Variants in DACH1 observed in about 807,000 individuals in gnomAD.
The protein encoded by DACH1 is dachshund homolog 1.
In DACH1, 12 loss-of-function variants were observed where a neutral mutation model predicts 54.2. That is an observed-to-expected ratio of 0.22 (90% CI 0.14 to 0.36). DACH1 has a LOEUF of 0.36. Among genes scored for constraint, DACH1 ranks in the 10% least tolerant of loss-of-function variants. The pLI is 1.00. For synonymous variants in DACH1, 386 were observed against 366.2 expected, an observed-to-expected ratio of 1.05 and a Z score of -0.62; for missense variants, 805 against 929.8, an observed-to-expected ratio of 0.87 and a Z score of 1.75.
intron 6 of DACH1, among the ~76,000 whole-genome samples, chr13:71,534,772 T>C (rs930684991): frequency 9.9e-5 from 15 of 151,804 alleles, no homozygotes; most frequent in Non-Finnish European, 4.4e-5. Context: ...ATCATAAAAA[T>C]AATAAAGTTA....
At chr13:71,594,996 A>C (rs781730316) in intron 3 of DACH1, among the ~76,000 whole-genome samples, 1 of 152,116 alleles carries the variant, frequency 6.6e-6, no homozygotes, top group Non-Finnish European at 1.5e-5. Flanking sequence ...TAAAACAGGG[A>C]AGGAGGATAG....
At chr13:71,684,026 G>A (rs956074987) in intron 1 of DACH1, among the ~76,000 whole-genome samples, 2 of 151,992 alleles carry the variant, frequency 1.3e-5, no homozygotes, top group African/African-American at 4.8e-5. Context: ...AAATCCAGGA[G>A]TCACTTGTGT....
chr13:71,576,023 T>C (rs964032736), intron 3 of DACH1, among the ~76,000 whole-genome samples: 1 of 152,132 alleles, frequency 6.6e-6, no homozygotes, highest in Non-Finnish European at 1.5e-5. Context: ...CAATTTTATT[T>C]TAAGCCAATA....
intron 1 of DACH1, among the ~76,000 whole-genome samples, chr13:71,863,603 G>T (rs954368239): frequency 6.6e-6 from 1 of 152,098 alleles, no homozygotes; most frequent in South Asian, 2.1e-4. Context: ...CAGATCTGTT[G>T]TTAACCTCAG....
At chr13:71,825,799 C>A (rs1350974702) in intron 1 of DACH1, among the ~76,000 whole-genome samples, 1 of 151,938 alleles carries the variant, frequency 6.6e-6, no homozygotes, top group Non-Finnish European at 1.5e-5. Context: ...TATATTTATT[C>A]AATATGTTTC....
intron 1 of DACH1, among the ~76,000 whole-genome samples, chr13:71,810,775 A>G (rs780470020): frequency 2.6e-5 from 4 of 152,198 alleles, no homozygotes; most frequent in South Asian, 2.1e-4. Flanking sequence ...ACCATAAATA[A>G]TTTAAATTAA....
intron 3 of DACH1, among the ~76,000 whole-genome samples, chr13:71,582,966 T>C (rs1316561456): frequency 6.6e-6 from 1 of 152,148 alleles, no homozygotes; most frequent in Non-Finnish European, 1.5e-5. Context: ...CAAGAATAAA[T>C]GGTTATAAAA....
intron 2 of DACH1, among the ~76,000 whole-genome samples, chr13:71,636,014 T>A (rs1244666108): frequency 6.6e-6 from 1 of 152,010 alleles, no homozygotes; most frequent in Non-Finnish European, 1.5e-5. Context: ...GAACTCCTGA[T>A]CTCTGGTGAT....
intron 10 of DACH1, among the ~76,000 whole-genome samples, chr13:71,462,589 A>T (rs1428461944): frequency 2.0e-5 from 3 of 150,450 alleles, no homozygotes; most frequent in Admixed American, 1.3e-4. Flanking sequence ...CACAATTTCA[A>T]CTACTATTAC....
chr13:71,800,345 AAC>A (rs1887242375), intron 1 of DACH1, among the ~76,000 whole-genome samples: 1 of 152,122 alleles, frequency 6.6e-6, no homozygotes, highest in South Asian at 2.1e-4. Flanking sequence ...GAATAAAATA[AAC>A]ACAATTTGAC....
intron 1 of DACH1, among the ~76,000 whole-genome samples, chr13:71,751,370 A>G (rs985214880): frequency 5.3e-5 from 8 of 152,230 alleles, no homozygotes; most frequent in African/African-American, 1.9e-4. Flanking sequence ...CAAGATTTTT[A>G]TCATGTACAC....
intron 1 of DACH1, among the ~76,000 whole-genome samples, chr13:71,756,014 G>A (rs919405101): frequency 2.0e-5 from 3 of 151,912 alleles, no homozygotes; most frequent in Non-Finnish European, 2.9e-5. Flanking sequence ...ACTAAAATGC[G>A]TAAACTAAAG....
chr13:71,515,871 T>C (rs1442424738), intron 6 of DACH1, among the ~76,000 whole-genome samples: 2 of 151,858 alleles, frequency 1.3e-5, no homozygotes, highest in Admixed American at 1.3e-4. Flanking sequence ...TTAGACAAAT[T>C]CACAGGGTAA....
chr13:71,666,659 T>C (rs921750099), intron 2 of DACH1, among the ~76,000 whole-genome samples: 2 of 152,160 alleles, frequency 1.3e-5, no homozygotes, highest in Admixed American at 1.3e-4. Flanking sequence ...TGCTAGTTGA[T>C]ATGACATTTT....
At position 71,448,135 on chromosome 13, in the gene DACH1, T is replaced by A. The variant is rs1874637031; in HGVS notation, c.2084-7443A>T. On this transcript the variant is annotated intron_variant, in intron 10 of 10. Transcript: ENST00000613252. ...GTCAACTATTTGTTCAAAACTTATA[T>A]CCAGGCACCTGTAATCTAGGGATAT... 2.6e-5 allele frequency among the ~76,000 whole-genome samples: 4 copies of A among 152,308 alleles called. 1 individual carries two copies. The South Asian group carries it at 8.3e-4, about 32-fold the overall frequency.
chr13:71,464,107 T>C (rs1224145948), intron 10 of DACH1, among the ~76,000 whole-genome samples: 1 of 151,910 alleles, frequency 6.6e-6, no homozygotes, highest in African/African-American at 2.4e-5. Flanking sequence ...GCTAAAATAT[T>C]TTCAACCAAT....
At chr13:71,862,876 C>T (rs997355428) in intron 1 of DACH1, among the ~76,000 whole-genome samples, 2 of 151,994 alleles carry the variant, frequency 1.3e-5, no homozygotes, top group Admixed American at 1.3e-4. Flanking sequence ...TGATGTTTCT[C>T]ATTGTATATA....
intron 1 of DACH1, among the ~76,000 whole-genome samples, chr13:71,853,215 A>G (rs1873783676): frequency 6.6e-6 from 1 of 152,208 alleles, no homozygotes; most frequent in Admixed American, 6.5e-5. Context: ...ACATTTTATC[A>G]GGCTCTTCTA....
intron 1 of DACH1, among the ~76,000 whole-genome samples, chr13:71,865,121 T>C (rs1397766740): frequency 1.3e-5 from 2 of 152,060 alleles, no homozygotes; most frequent in Admixed American, 6.5e-5. Flanking sequence ...AACCTGCTGG[T>C]TGCCCTCGCA....
Sources: allele counts gnomAD v4.1 joint callset (sites outside exome capture counted in the v4.1 genomes callset), GRCh38; gene constraint gnomAD v4.1.1; transcripts MANE v1.5; gene names NCBI Gene and HGNC (gene_info 2026-07-23, HGNC 2026-07-21).